The following KNL1 variants were observed in gnomAD, a reference collection of about 807,000 sequenced individuals.
KNL1 encodes the protein outer kinetochore KNL1 complex subunit KNL1.
A neutral mutation model predicts 201.3 loss-of-function variants in KNL1; 66 were observed. That is an observed-to-expected ratio of 0.33 (90% CI 0.27 to 0.40). The LOEUF (loss-of-function observed/expected upper bound fraction) is 0.40. Among genes scored for constraint, KNL1 ranks in the 10% least tolerant of loss-of-function variants. The pLI is 1.00. For synonymous variants in KNL1, 895 were observed against 899.2 expected (o/e 1.00, Z 0.08); for missense variants, 2,815 against 2,690.5 (o/e 1.05, Z -1.02).
In KNL1 at chr15:40,623,232, T is replaced by C. The variant is rs773003292; in HGVS notation, c.2968T>C (p.Cys990Arg). The C allele has an allele frequency of 1.2e-6, 2 of 1,613,930 alleles. No homozygotes were observed. The highest frequency in any genetic ancestry group is 2.2e-5 in the East Asian group (1 of 44,874). Reference sequence around the variant, plus strand: ...AAGCCTAGGAACACCAACAGTGATATGTACTCCTACTGAGGAGAGTGTTTT... The same window carrying C: ...AAGCCTAGGAACACCAACAGTGATACGTACTCCTACTGAGGAGAGTGTTTT... Reference protein sequence around the residue: ...RKSLGTPTVICTPTEESVFFP... With the variant: ...RKSLGTPTVIRTPTEESVFFP... Residue 990 changes from cysteine to arginine, a missense_variant, in exon 10 of 26, where the codon TGT becomes CGT. Cys to Arg is a radical substitution (Grantham distance 180). This residue lies in a region of KNL1 where 2,464 missense variants were observed against 2,291.7 expected (regional missense o/e 1.08). Coordinates refer to ENST00000399668, the MANE Select transcript of KNL1 (RefSeq NM_144508.5).
In KNL1 at chr15:40,625,625, G is replaced by A. The variant is rs747452766; in HGVS notation, c.5361G>A (p.Thr1787=). ...AAAATGAGATTAAGTTTAGTGATAC[G>A]ACACAAGATCGGGAGGTGAGCTCTG... is the stretch of plus-strand genomic sequence containing the variant. ...IRKNEIKFSD[T]TQDREIFDHH... is the part of the protein sequence containing the mutation. The change falls in exon 10 of 26, where the codon ACG becomes ACA. Residue 1787 remains threonine (T), a synonymous_variant. Coordinates refer to ENST00000399668, the MANE Select transcript of KNL1 (RefSeq NM_144508.5). The A allele has an allele frequency of 2.2e-5, 35 of 1,610,394 alleles. No individual in the cohort carries two copies. The highest frequency in any genetic ancestry group is 1.7e-4 in the Admixed American group (10 of 59,262).
In KNL1 at chr15:40,624,770, C is replaced by T. The variant is rs762716753; in HGVS notation, c.4506C>T (p.Ala1502=). The T allele has an allele frequency of 5.5e-5, 89 of 1,613,672 alleles. No homozygotes were observed. The highest frequency in any genetic ancestry group is 7.0e-5 in the Non-Finnish European group (83 of 1,179,904). The change falls in exon 10 of 26, where the codon GCC becomes GCT. Residue 1502 remains alanine, a synonymous_variant. Transcript: ENST00000399668. ...ATAGTGAGGAATGGTTTGCTGCAGC[C>T]TGTAAAAAAGAACTGAAGGAAAATA... ...ILNSEEWFAA[A]CKKELKENIQ...
chr15:40,659,894 A>ATATGTG (rs1555423681), intron 25 of KNL1, among the ~76,000 whole-genome samples: 1 of 146,872 alleles, frequency 6.8e-6, no homozygotes, highest in Non-Finnish European at 1.5e-5. Context: ...TGAAGAATTT[A>ATATGTG]TGTGTGTGTG....
At chr15:40,635,038 A>G (rs1242340971) in intron 13 of KNL1, among the ~76,000 whole-genome samples, 1 of 148,502 alleles carries the variant, frequency 6.7e-6, no homozygotes, top group Non-Finnish European at 1.5e-5. Flanking sequence ...GGCTGTGGGC[A>G]TCTGTTTCAG....
intron 7 of KNL1, among the ~76,000 whole-genome samples, chr15:40,612,579 C>T (rs771106666): frequency 2.6e-5 from 4 of 151,876 alleles, no homozygotes; most frequent in African/African-American, 4.8e-5. Context: ...TGCAATGGTA[C>T]GATCTTGGCT....
rs373866749 is a variant in KNL1 at position 40,625,120 on chromosome 15, G to A, written c.4856G>A (p.Arg1619Lys). ...NIISSNAKDSRDEENKKSHNG... is the reference protein window; with the variant it reads ...NIISSNAKDSKDEENKKSHNG... The stretch of plus-strand genomic sequence containing the variant: ...ATCTCCAGCAATGCTAAAGATAGTA[G>A]AGATGAGGAAAATAAAAAGTCTCAT... Residue 1619 changes from arginine (R) to lysine (K), a missense_variant, in exon 10 of 26, where the codon AGA becomes AAA. Arg to Lys is a conservative substitution (Grantham distance 26). Coordinates refer to ENST00000399668, the MANE Select transcript of KNL1 (RefSeq NM_144508.5). The A allele has an allele frequency of 5.0e-6, 8 of 1,614,020 alleles. No individual in the cohort carries two copies. In the East Asian group the frequency reaches 8.9e-5, roughly 18 times the overall value.
At chr15:40,617,736 C>T (rs901378145) in intron 8 of KNL1, among the ~76,000 whole-genome samples, 15 of 151,856 alleles carry the variant, frequency 9.9e-5, no homozygotes, top group Non-Finnish European at 1.6e-4. Context: ...TTTTTGCAGG[C>T]GGTGGGAGAT....
At chr15:40,643,904 T>C (rs1257055637) in intron 14 of KNL1, among the ~76,000 whole-genome samples, 1 of 152,198 alleles carries the variant, frequency 6.6e-6, no homozygotes, top group African/African-American at 2.4e-5. Context: ...TTAAACATGA[T>C]TGTAGACCTG....
At chr15:40,659,239 G>A in intron 24 of KNL1, 100 bp from the exon 25 acceptor site, 2 of 1,044,272 alleles carry the variant, frequency 1.9e-6, no homozygotes, top group Non-Finnish European at 2.7e-6. Flanking sequence ...ACTCCAGCCT[G>A]GGCGATAGAG....
In KNL1 at chr15:40,659,892, T is replaced by TTGTGTGTGTGTGTGTGTGTGTGTG. The variant is rs749156028; in HGVS notation, c.6836+432_6836+433insGTGTGTGTGTGTGTGTGTGTGTGT. 2.2e-4 allele frequency among the ~76,000 whole-genome samples: 27 copies of TTGTGTGTGTGTGTGTGTGTGTGTG among 120,186 alleles called. No individual in the cohort carries two copies. In the East Asian group the frequency reaches 3.9e-3, roughly 17 times the overall value. 78.8% of individuals were successfully genotyped at this position (120,186 alleles called of 152,430 possible). A position where few individuals can be genotyped will look rare whatever the true frequency, so the allele number is the denominator to read the frequency against. On this transcript the variant is annotated intron_variant, in intron 25 of 25. Transcript: ENST00000399668. Reference sequence around the variant, plus strand: ...TTCTCTTGAGTTCATTTTGAAGAATTTATGTGTGTGTGTGTGTGTGTGTGT... The same window carrying TTGTGTGTGTGTGTGTGTGTGTGTG: ...TTCTCTTGAGTTCATTTTGAAGAATTTGTGTGTGTGTGTGTGTGTGTGTGTATGTGTGTGTGTGTGTGTGTGTGT...
At chr15:40,635,269 G>A (rs558953410) in intron 13 of KNL1, among the ~76,000 whole-genome samples, 1 of 151,820 alleles carries the variant, frequency 6.6e-6, no homozygotes, top group South Asian at 2.1e-4. Context: ...AGCCAGGATG[G>A]TCTCGATCTC....
At position 40,640,958 on chromosome 15, in the gene KNL1, A is replaced by C. The variant is rs1893210009; in HGVS notation, c.5729A>C (p.Gln1910Pro). The C allele has an allele frequency of 1.2e-6, 2 of 1,613,376 alleles. No individual in the cohort carries two copies. Among genetic ancestry groups the C allele is most frequent in the South Asian group, 2.2e-5 (2 of 91,052 alleles). ...PPTPEDLMLS[Q>P]YVYRPKIQIY... ...ACTCCAGAAGACCTGATGTTAAGTC[A>C]ATATGTTTACCGACCCAAGATACAG... Residue 1910 changes from glutamine to proline, a missense_variant, in exon 14 of 26, where the codon CAA (glutamine) becomes CCA (proline). Around this residue, in one of 3 missense-constraint regions of KNL1, gnomAD observed 2,464 missense variants for 2,291.7 expected, o/e 1.08. Coordinates refer to ENST00000399668, the MANE Select transcript of KNL1 (RefSeq NM_144508.5).
chr15:40,662,052 G>A, intron 25 of KNL1, 22 bp from the exon 26 acceptor site: 1 of 1,423,592 alleles, frequency 7.0e-7, no homozygotes, highest in South Asian at 1.2e-5. Context: ...AAAGAAAATT[G>A]ATTAACCTTT....
At position 40,625,652 on chromosome 15, in the gene KNL1, C is replaced by G. The variant is rs1382973608; in HGVS notation, c.5376+12C>G. ...CACAAGATCGGGAGGTGAGCTCTGT[C>G]TTGAACCAAAGAATGTTCTTGAATT... On this transcript the variant is annotated intron_variant, in intron 10 of 25. Coordinates refer to ENST00000399668, the MANE Select transcript of KNL1 (RefSeq NM_144508.5). 1 of 1,595,672 alleles carries G rather than the reference C, an allele frequency of 6.3e-7. No homozygotes were observed. The highest frequency in any genetic ancestry group is 8.5e-7 in the Non-Finnish European group (1 of 1,169,960).
intron 2 of KNL1, 143 bp downstream of exon 2, chr15:40,603,109 C>CT: frequency 1.8e-6 from 1 of 556,968 alleles, no homozygotes; most frequent in Non-Finnish European, 3.1e-6. Flanking sequence ...TTAAATTATA[C>CT]TTTAAGTTCT....
In KNL1 at chr15:40,621,922, A is replaced by G. The variant is rs190405180; in HGVS notation, c.1658A>G (p.Asn553Ser). ...SKERIQQSLS[N>S]PLSISLTDRK... Reference sequence around the variant, plus strand: ...GAAAGAATACAGCAGAGCCTGTCAAATCCTTTGTCTATTTCATTGACTGAT... The same window carrying G: ...GAAAGAATACAGCAGAGCCTGTCAAGTCCTTTGTCTATTTCATTGACTGAT... Residue 553 changes from asparagine to serine, a missense_variant, in exon 10 of 26, where the codon AAT becomes AGT. Transcript: ENST00000399668. 2 of 1,613,664 alleles carry G rather than the reference A, an allele frequency of 1.2e-6. No homozygotes were observed. Among genetic ancestry groups the G allele is most frequent in the East Asian group, 2.2e-5 (1 of 44,874 alleles).
chr15:40,610,453 T>C (rs1892116842), intron 6 of KNL1, among the ~76,000 whole-genome samples, 156 bp downstream of exon 6: 1 of 152,186 alleles, frequency 6.6e-6, no homozygotes, highest in Non-Finnish European at 1.5e-5. Flanking sequence ...ATCCCGACAC[T>C]TTGGCAGTCT....
At chr15:40,610,159 C>T in intron 5 of KNL1, 86 bp from the exon 6 acceptor site, 1 of 729,862 alleles carries the variant, frequency 1.4e-6, no homozygotes, top group Non-Finnish European at 2.4e-6. Context: ...ATTATCTTGA[C>T]CTATCTCAAC....
At chr15:40,646,233 C>T (rs1005509900) in intron 16 of KNL1, among the ~76,000 whole-genome samples, 2 of 152,076 alleles carry the variant, frequency 1.3e-5, no homozygotes, top group East Asian at 1.9e-4. Flanking sequence ...TTCAGAGAAA[C>T]ATAATTTTTT....
Sources: gnomAD v4.1 joint callset for allele counts (sites outside exome capture counted in the v4.1 genomes callset) on GRCh38, gnomAD v4.1.1 for gene constraint, gnomAD v4.1.1 regional missense constraint, MANE v1.5 for transcripts, NCBI Gene and HGNC (gene_info 2026-07-23, HGNC 2026-07-21) for gene names.